Variants in FOXJ3 observed in about 807,000 individuals in gnomAD.
FOXJ3 encodes forkhead box protein J3.
FOXJ3 carries 22 observed loss-of-function variants against 76.1 expected under a neutral mutation model. That is an observed-to-expected ratio of 0.29 (90% confidence interval 0.21 to 0.41). The LOEUF (loss-of-function observed/expected upper bound fraction) is 0.41, where lower values mean the gene tolerates loss of function less well. Ranked by LOEUF, FOXJ3 falls within the 10% of genes least tolerant of loss-of-function variation. The probability of loss-of-function intolerance (pLI) is 1.00; values close to 1 mark genes in which losing one functional copy is unlikely to be tolerated. For missense variants in FOXJ3, 613 were observed against 762.1 expected, an observed-to-expected ratio of 0.80 and a Z score of 2.30; for synonymous variants, 269 against 261.2, an observed-to-expected ratio of 1.03 and a Z score of -0.29.
chr1:42,235,407 G>C (rs1648529294), intron 4 of FOXJ3, among the ~76,000 whole-genome samples: 1 of 152,106 alleles, frequency 6.6e-6, no homozygotes, highest in South Asian at 2.1e-4. Flanking sequence ...TGCACCCACT[G>C]TCCTGCACCC....
intron 4 of FOXJ3, among the ~76,000 whole-genome samples, chr1:42,244,656 A>T (rs1649402319): frequency 2.0e-5 from 1 of 50,588 alleles, no homozygotes; most frequent in Admixed American, 2.6e-4. Flanking sequence ...CTAATCAAGA[A>T]AAAAAAAAAG....
intron 8 of FOXJ3, among the ~76,000 whole-genome samples, chr1:42,194,463 A>C (rs1433180656): frequency 6.6e-6 from 1 of 152,238 alleles, no homozygotes; most frequent in Admixed American, 6.5e-5. Flanking sequence ...TCAAAATCAC[A>C]AATTTGGCGC....
At chr1:42,291,079 T>TAGATAGACAGACAGACAGACAGAC (rs1653397068) in intron 2 of FOXJ3, among the ~76,000 whole-genome samples, 1 of 125,564 alleles carries the variant, frequency 8.0e-6, no homozygotes, top group African/African-American at 3.0e-5. Flanking sequence ...GATAGATAGA[T>TAGATAGACAGACAGACAGACAGAC]AGATAGACAG....
chr1:42,235,683 C>CTAAAAGTTTCACAGTTTTA (rs1648565283), intron 4 of FOXJ3, among the ~76,000 whole-genome samples: 1 of 152,136 alleles, frequency 6.6e-6, no homozygotes, highest in African/African-American at 2.4e-5. Context: ...CTGCCTTAGC[C>CTAAAAGTTTCACAGTTTTA]TCCCAGGTAG....
Position 42,178,877 on chromosome 1 carries a change from A to G in FOXJ3, c.*833T>C, listed in dbSNP as rs1646263698. 6.5e-6 allele frequency: 1 copy of G among 152,672 alleles called. No homozygotes were observed. Among genetic ancestry groups the G allele is most frequent in the Non-Finnish European group, 1.5e-5 (1 of 68,038 alleles). 9.5% of individuals were successfully genotyped at this position (152,672 alleles called of 1,614,324 possible). A position where few individuals can be genotyped will look rare whatever the true frequency, so the allele number is the denominator to read the frequency against. ...AGCTAAGCATTCACAGAAGGTAGCA[A>G]TAAATATTAAAATGACACTTTTGAA... On this transcript the variant is annotated 3_prime_UTR_variant, in exon 13 of 13. Coordinates refer to ENST00000361346, the MANE Select transcript of FOXJ3 (RefSeq NM_014947.5).
chr1:42,302,555 T>A (rs1225697609), intron 2 of FOXJ3, among the ~76,000 whole-genome samples: 2 of 152,190 alleles, frequency 1.3e-5, no homozygotes, highest in African/African-American at 4.8e-5. Context: ...CCCAGAGGTA[T>A]GCCTAGGCAT....
In FOXJ3 at chr1:42,206,670, T is replaced by C. The variant is rs146481750; in HGVS notation, c.529-807A>G. Among the ~76,000 whole-genome samples the C allele has an allele frequency of 5.5e-3, 833 of 152,360 alleles. 5 individuals are homozygous for C. Among genetic ancestry groups the C allele is most frequent in the South Asian group, 8.5e-3 (41 of 4,826 alleles). On this transcript the variant is annotated intron_variant, in intron 5 of 12. Coordinates refer to ENST00000361346, the MANE Select transcript of FOXJ3 (RefSeq NM_014947.5). ...TACATGTGATAATTTAATACATTCA[T>C]ATAATCAAATGAAAAATGAGATATC...
rs1157557331 is a variant in FOXJ3, at chr1:42,185,004, GTAGGCCATA to G, written c.1646-2989_1646-2981del. Among the ~76,000 whole-genome samples the G allele has an allele frequency of 1.2e-4, 19 of 152,204 alleles. 1 individual carries two copies. The highest frequency in any genetic ancestry group is 4.6e-4 in the African/African-American group (19 of 41,484). On this transcript the variant is annotated intron_variant, in intron 11 of 12. Transcript: ENST00000361346. ...CAGAAATAATCAGTGATCAGATTGT[GTAGGCCATA>G]TAGGCCATAGTAACAACATTGGTCT...
chr1:42,320,123 T>A (rs530076923), intron 1 of FOXJ3, among the ~76,000 whole-genome samples: 1 of 152,206 alleles, frequency 6.6e-6, no homozygotes, highest in African/African-American at 2.4e-5. Flanking sequence ...CTTCAGCTTT[T>A]AAAGACTGTT....
intron 2 of FOXJ3, among the ~76,000 whole-genome samples, chr1:42,282,519 A>G (rs1326098022): frequency 6.6e-6 from 1 of 152,194 alleles, no homozygotes; most frequent in East Asian, 1.9e-4. Flanking sequence ...TTTCACATGC[A>G]TAGTTGAATC....
rs77363520 is a variant in FOXJ3, at chr1:42,264,955, G to C, written c.444+160C>G. On this transcript the variant is annotated intron_variant, in intron 4 of 12. Coordinates refer to ENST00000361346, the MANE Select transcript of FOXJ3 (RefSeq NM_014947.5). ...TGTGCAACAGCTATACACTAGTTAGGTTCCCACAGCTTAAAACTCTCTAAC... is the reference window on the plus strand; with the variant it reads ...TGTGCAACAGCTATACACTAGTTAGCTTCCCACAGCTTAAAACTCTCTAAC... The C allele has an allele frequency of 8.8e-4, 585 of 663,252 alleles. 5 individuals carry two copies. The East Asian group carries it at 0.015, about 17-fold the overall frequency. The allele number at this position is 663,252 out of a possible 1,614,324, so 41.1% of individuals were successfully genotyped here. A position where few individuals can be genotyped will look rare whatever the true frequency, so the allele number is the denominator to read the frequency against.
intron 5 of FOXJ3, among the ~76,000 whole-genome samples, chr1:42,213,275 T>C (rs575263362): frequency 5.9e-5 from 9 of 152,194 alleles, no homozygotes; most frequent in Non-Finnish European, 7.4e-5. Context: ...TTGAAAGATA[T>C]ACACTGGCTG....
intron 11 of FOXJ3, among the ~76,000 whole-genome samples, chr1:42,183,409 A>G (rs1646370792): frequency 7.0e-6 from 1 of 142,394 alleles, no homozygotes; most frequent in African/African-American, 2.7e-5. Flanking sequence ...ATCTCATTCA[A>G]ATTTTACTTC....
intron 4 of FOXJ3, among the ~76,000 whole-genome samples, chr1:42,254,525 T>C (rs1412210417): frequency 2.0e-4 from 29 of 147,890 alleles, no homozygotes; most frequent in Non-Finnish European, 3.1e-4. Flanking sequence ...CGTATGTTTA[T>C]TGCAGCACTA....
chr1:42,235,612 G>C (rs1486344630), intron 4 of FOXJ3, among the ~76,000 whole-genome samples: 1 of 151,712 alleles, frequency 6.6e-6, no homozygotes, highest in African/African-American at 2.4e-5. Flanking sequence ...AGCCATGCTG[G>C]AGTGCAGTGG....
At chr1:42,222,517 C>A (rs1195883702) in intron 5 of FOXJ3, among the ~76,000 whole-genome samples, 1 of 152,176 alleles carries the variant, frequency 6.6e-6, no homozygotes, top group Non-Finnish European at 1.5e-5. Context: ...GAGGGTATGA[C>A]TGTCTTGTTT....
At chr1:42,194,145 G>A (rs908420803) in intron 8 of FOXJ3, among the ~76,000 whole-genome samples, 1 of 152,062 alleles carries the variant, frequency 6.6e-6, no homozygotes, top group Non-Finnish European at 1.5e-5. Flanking sequence ...TAAAACATGG[G>A]GTGTAAATAG....
intron 2 of FOXJ3, among the ~76,000 whole-genome samples, chr1:42,299,662 C>G (rs1471654582): frequency 1.3e-5 from 2 of 151,872 alleles, no homozygotes; most frequent in East Asian, 3.9e-4. Context: ...AATCCTAGCC[C>G]TTTAGAGGCC....
rs182505340 is a variant in FOXJ3 at position 42,212,875 on chromosome 1, A to G, written c.529-7012T>C. 8.6e-5 allele frequency among the ~76,000 whole-genome samples: 13 copies of G among 151,512 alleles called. No individual in the cohort carries two copies. In the East Asian group the frequency reaches 2.5e-3, roughly 30 times the overall value. The stretch of plus-strand genomic sequence containing the variant: ...TCAGACTGACAGCAGACTTCTCAGC[A>G]GAAACCTTACAAGCCAGAGGGCTTG... On this transcript the variant is annotated intron_variant, in intron 5 of 12. Coordinates refer to ENST00000361346, the MANE Select transcript of FOXJ3 (RefSeq NM_014947.5).
Sources: allele counts gnomAD v4.1 joint callset (sites outside exome capture counted in the v4.1 genomes callset), GRCh38; gene constraint gnomAD v4.1.1; transcripts MANE v1.5; gene names NCBI Gene and HGNC (gene_info 2026-07-23, HGNC 2026-07-21).